HSD17B4: variants seen among roughly 807,000 people sequenced by gnomAD.
The protein encoded by HSD17B4 is hydroxysteroid 17-beta dehydrogenase 4, also known as peroxisomal multifunctional enzyme type 2.
Under a neutral mutation model 101.0 loss-of-function variants are expected in HSD17B4, and 70 were observed. The ratio of observed to expected loss-of-function variants is 0.69; its 90% CI spans 0.57 to 0.85. The LOEUF is 0.85. HSD17B4 is among the 40% of genes least tolerant of loss of function. The pLI, the probability that HSD17B4 is intolerant of heterozygous loss-of-function variation, is 0.00. For synonymous variants in HSD17B4, 347 were observed against 297.1 expected (o/e 1.17, Z -1.73); for missense variants, 984 against 892.4 (o/e 1.10, Z -1.31).
intron 12 of HSD17B4, among the ~76,000 whole-genome samples, chr5:119,498,525 C>T (rs1428175355): frequency 6.6e-6 from 1 of 152,182 alleles, no homozygotes; most frequent in Non-Finnish European, 1.5e-5. Context: ...AAAAAGACAA[C>T]ATCCAGTTAG....
intron 17 of HSD17B4, among the ~76,000 whole-genome samples, chr5:119,519,476 T>C (rs1752927490): frequency 6.6e-6 from 1 of 152,216 alleles, no homozygotes; most frequent in African/African-American, 2.4e-5. Context: ...GGGAGATCTT[T>C]GCAGATTTAG....
rs1750181360 is a variant in HSD17B4 at position 119,492,301 on chromosome 5, T to A, written c.739+177T>A. Reference sequence around the variant, plus strand: ...ATTTTTAAACATTGTGATTGTCCTATAGGTCTGTGGCCCTTTCAAGACCCT... The same window carrying A: ...ATTTTTAAACATTGTGATTGTCCTAAAGGTCTGTGGCCCTTTCAAGACCCT... On this transcript the variant is annotated intron_variant, in intron 10 of 23. Transcript: ENST00000510025. 6.1e-6 allele frequency: 4 copies of A among 652,204 alleles called. No homozygotes were observed. The South Asian group carries it at 7.1e-5, about 12-fold the overall frequency. 40.4% of individuals were successfully genotyped at this position (652,204 alleles called of 1,614,324 possible).
chr5:119,526,878 T>C (rs1364237417), intron 19 of HSD17B4, among the ~76,000 whole-genome samples: 2 of 152,060 alleles, frequency 1.3e-5, no homozygotes, highest in East Asian at 3.8e-4. Flanking sequence ...TTTTATTTCT[T>C]GATTTGTCAA....
intron 6 of HSD17B4, among the ~76,000 whole-genome samples, chr5:119,476,973 C>G (rs1184715539): frequency 6.6e-6 from 1 of 152,160 alleles, no homozygotes; most frequent in Admixed American, 6.5e-5. Flanking sequence ...AGGCCTCTCA[C>G]TAACTCATTT....
At chr5:119,474,697 G>A (rs1393615429) in intron 4 of HSD17B4, among the ~76,000 whole-genome samples, 1 of 151,980 alleles carries the variant, frequency 6.6e-6, no homozygotes, top group Non-Finnish European at 1.5e-5. Context: ...AAAAACTTAC[G>A]AGCGTTTACT....
intron 11 of HSD17B4, among the ~76,000 whole-genome samples, chr5:119,494,362 T>TTTCTTTCC (rs1309158292): frequency 1.3e-5 from 2 of 150,740 alleles, no homozygotes; most frequent in African/African-American, 4.9e-5. Context: ...TCTTTCTTTC[T>TTTCTTTCC]TTCTTTCTTT....
At chr5:119,474,137 A>C in intron 3 of HSD17B4, 122 bp downstream of exon 3, 1 of 717,990 alleles carries the variant, frequency 1.4e-6, no homozygotes, top group Admixed American at 2.3e-5. Flanking sequence ...AAGTCTGCCA[A>C]AGTTTTCTGA....
chr5:119,485,214 C>T (rs1412107446), intron 8 of HSD17B4, among the ~76,000 whole-genome samples: 1 of 152,054 alleles, frequency 6.6e-6, no homozygotes, highest in Non-Finnish European at 1.5e-5. Context: ...TTTTTGCCAT[C>T]GGTTCTAGAC....
chr5:119,465,874 G>A (rs888388809), intron 2 of HSD17B4, among the ~76,000 whole-genome samples: 3 of 152,172 alleles, frequency 2.0e-5, no homozygotes, highest in Non-Finnish European at 4.4e-5. Context: ...AATAAGAGCG[G>A]TGAAAGTGGG....
In HSD17B4 at chr5:119,475,935, A is replaced by G. The variant is rs565050337; in HGVS notation, c.349+65A>G. 3.7e-5 allele frequency: 45 copies of G among 1,215,270 alleles called. No homozygotes were observed. In the East Asian group the frequency reaches 1.0e-3, roughly 27 times the overall value. 75.3% of individuals were successfully genotyped at this position (1,215,270 alleles called of 1,614,324 possible). On this transcript the variant is annotated intron_variant, in intron 6 of 23. Coordinates refer to ENST00000510025, the MANE Select transcript of HSD17B4 (RefSeq NM_000414.4). ...CCATTTAGCCTTTTTAGTATTTGATAAATTTATACATTTAAGGAAAAACCT... is the reference window on the plus strand; with the variant it reads ...CCATTTAGCCTTTTTAGTATTTGATGAATTTATACATTTAAGGAAAAACCT...
At chr5:119,497,972 A>T (rs1580619329) in intron 12 of HSD17B4, among the ~76,000 whole-genome samples, 1 of 152,188 alleles carries the variant, frequency 6.6e-6, no homozygotes, top group African/African-American at 2.4e-5. Flanking sequence ...TTTTAAGGGA[A>T]GCATCGATAT....
chr5:119,524,122 A>G (rs985316213), intron 17 of HSD17B4, among the ~76,000 whole-genome samples: 1 of 152,144 alleles, frequency 6.6e-6, no homozygotes, highest in Non-Finnish European at 1.5e-5. Flanking sequence ...CCAGTATTCA[A>G]TAATTGTTTA....
chr5:119,484,271 C>G (rs1187851233), intron 8 of HSD17B4, among the ~76,000 whole-genome samples: 1 of 152,194 alleles, frequency 6.6e-6, no homozygotes, highest in African/African-American at 2.4e-5. Flanking sequence ...GACTATTCCT[C>G]ATTCTTGATT....
In HSD17B4 at chr5:119,460,278, C is replaced by T. The variant is rs10057944; in HGVS notation, c.112+3910C>T. On this transcript the variant is annotated intron_variant, in intron 2 of 23. Transcript: ENST00000510025. ...TCCCAGGCTGCTTTAGGCACTGATA[C>T]ACTCTCCGCAACGGTAAGTATAGTA... 3.8e-3 allele frequency among the ~76,000 whole-genome samples: 580 copies of T among 152,308 alleles called. 2 individuals carry two copies. Among genetic ancestry groups the T allele is most frequent in the African/African-American group, 0.013 (526 of 41,562 alleles).
rs186634537 is a variant in HSD17B4 at position 119,476,815 on chromosome 5, T to C, written c.350-602T>C. On this transcript the variant is annotated intron_variant, in intron 6 of 23. Coordinates refer to ENST00000510025, the MANE Select transcript of HSD17B4 (RefSeq NM_000414.4). ...TTTTTTTTAGTTCCTTTTTTCACTC[T>C]TACATTCTTCTTCTAATATACACAT... 2.2e-4 allele frequency: 104 copies of C among 474,188 alleles called. No homozygotes were observed. The Admixed American group carries it at 3.3e-3, about 15-fold the overall frequency. The allele number at this position is 474,188 out of a possible 1,614,324, so 29.4% of individuals were successfully genotyped here.
At chr5:119,515,917 G>C (rs955961499) in intron 17 of HSD17B4, among the ~76,000 whole-genome samples, 4 of 152,148 alleles carry the variant, frequency 2.6e-5, no homozygotes, top group Non-Finnish European at 5.9e-5. Flanking sequence ...TGGGTAGTAG[G>C]TTTAATACCT....
intron 18 of HSD17B4, among the ~76,000 whole-genome samples, chr5:119,525,522 G>C (rs1283824315): frequency 6.6e-6 from 1 of 152,142 alleles, no homozygotes; most frequent in Non-Finnish European, 1.5e-5. Flanking sequence ...GTCTAGGATA[G>C]GACCACGAGG....
intron 23 of HSD17B4, among the ~76,000 whole-genome samples, chr5:119,538,470 G>A (rs1289150749): frequency 6.6e-6 from 1 of 152,090 alleles, no homozygotes; most frequent in Non-Finnish European, 1.5e-5. Context: ...GATTATTTAT[G>A]TATGTTAGTC....
intron 8 of HSD17B4, among the ~76,000 whole-genome samples, chr5:119,481,822 T>G (rs1349072714): frequency 6.6e-6 from 1 of 152,214 alleles, no homozygotes; most frequent in Non-Finnish European, 1.5e-5. Flanking sequence ...GAGATATGCC[T>G]GTATTTCACA....
Sources: gnomAD v4.1 joint callset for allele counts (sites outside exome capture counted in the v4.1 genomes callset) on GRCh38, gnomAD v4.1.1 for gene constraint, MANE v1.5 for transcripts, NCBI Gene and HGNC (gene_info 2026-07-23, HGNC 2026-07-21) for gene names.